The following NEGR1 variants were observed in gnomAD, a reference collection of about 807,000 sequenced individuals.
NEGR1 encodes the protein IgLON family member 4.
A neutral mutation model predicts 40.9 loss-of-function variants in NEGR1; 10 were observed. The ratio of observed to expected loss-of-function variants is 0.24; its 90% CI spans 0.15 to 0.42. The LOEUF (loss-of-function observed/expected upper bound fraction) is 0.42, where lower values mean the gene tolerates loss of function less well. Among genes scored for constraint, NEGR1 ranks in the 10% least tolerant of loss-of-function variants. The pLI is 1.00. For missense variants in NEGR1, 352 were observed against 438.9 expected, an observed-to-expected ratio of 0.80 and a Z score of 1.77; for synonymous variants, 185 against 166.8, an observed-to-expected ratio of 1.11 and a Z score of -0.84.
chr1:71,685,349 T>C (rs1283833581), intron 4 of NEGR1, among the ~76,000 whole-genome samples: 1 of 143,114 alleles, frequency 7.0e-6, no homozygotes, highest in East Asian at 2.1e-4. Flanking sequence ...TGAGATGGAG[T>C]TTCACTCTTT....
At chr1:72,237,889 C>T (rs1160853599) in intron 1 of NEGR1, among the ~76,000 whole-genome samples, 1 of 151,890 alleles carries the variant, frequency 6.6e-6, no homozygotes, top group African/African-American at 2.4e-5. Context: ...GAGTTAATAA[C>T]AGCCTTATGC....
rs60830449 is a variant in NEGR1, at chr1:71,771,699, C to CAAAAA, written c.535+4468_535+4472dup. On this transcript the variant is annotated intron_variant, in intron 3 of 6. Transcript: ENST00000357731. ...GGGTAACAAAAGCAAGACTTAGTCT[C>CAAAAA]AAAAAAAAAAAAAAAAAAAAAAAGG... is the stretch of plus-strand genomic sequence containing the variant. Among the ~76,000 whole-genome samples the CAAAAA allele has an allele frequency of 3.6e-3, 43 of 12,092 alleles. 10 individuals carry two copies. The highest frequency in any genetic ancestry group is 0.021 in the South Asian group (2 of 96). The allele number at this position is 12,092 out of a possible 152,430, so 7.9% of individuals were successfully genotyped here.
At chr1:72,133,257 C>T (rs541864429) in intron 1 of NEGR1, among the ~76,000 whole-genome samples, 1 of 151,898 alleles carries the variant, frequency 6.6e-6, no homozygotes, top group African/African-American at 2.4e-5. Flanking sequence ...TAATTTGTTG[C>T]CTAGAAACAA....
At chr1:71,711,919 T>C (rs2101644117) in intron 3 of NEGR1, among the ~76,000 whole-genome samples, 2 of 152,324 alleles carry the variant, frequency 1.3e-5, no homozygotes, top group Admixed American at 1.3e-4. Flanking sequence ...TAAAATAGAT[T>C]CAAAAGGCTA....
intron 1 of NEGR1, among the ~76,000 whole-genome samples, chr1:72,058,631 C>T (rs1256947854): frequency 1.3e-5 from 2 of 151,590 alleles, no homozygotes; most frequent in East Asian, 3.9e-4. Flanking sequence ...TAGGCATCTG[C>T]TACAGCTGTC....
intron 6 of NEGR1, among the ~76,000 whole-genome samples, chr1:71,577,730 T>G (rs938072191): frequency 6.6e-6 from 1 of 152,172 alleles, no homozygotes; most frequent in African/African-American, 2.4e-5. Context: ...GAACTCTCCT[T>G]TGTAAACAAT....
intron 3 of NEGR1, among the ~76,000 whole-genome samples, chr1:71,744,405 C>T (rs948215253): frequency 4.7e-5 from 7 of 149,582 alleles, no homozygotes; most frequent in Non-Finnish European, 1.0e-4. Context: ...ACAACATATC[C>T]ATGTCATAAT....
In NEGR1 at chr1:72,117,220, A is replaced by G. The variant is rs538509559; in HGVS notation, c.176+165099T>C. The stretch of plus-strand genomic sequence containing the variant: ...ATACTTTAATGCACACTCCCGCAAT[A>G]TATTATTTATGGTCTTAGTTATTTG... On this transcript the variant is annotated intron_variant, in intron 1 of 6. Transcript: ENST00000357731. Among the ~76,000 whole-genome samples, 7 of 151,894 alleles carry G rather than the reference A, an allele frequency of 4.6e-5. No individual in the cohort carries two copies. In the East Asian group the frequency reaches 1.2e-3, roughly 25 times the overall value.
chr1:71,803,219 G>C (rs1246884524), intron 2 of NEGR1, among the ~76,000 whole-genome samples: 1 of 152,080 alleles, frequency 6.6e-6, no homozygotes, highest in Non-Finnish European at 1.5e-5. Context: ...CATCAGAGCT[G>C]TCTTTCTTTC....
intron 1 of NEGR1, among the ~76,000 whole-genome samples, chr1:72,089,249 T>A (rs951697026): frequency 5.9e-5 from 9 of 152,106 alleles, no homozygotes; most frequent in East Asian, 3.9e-4. Context: ...CTACCACTTA[T>A]AACAACCCGA....
intron 1 of NEGR1, among the ~76,000 whole-genome samples, chr1:72,117,699 G>A (rs367907587): frequency 2.2e-4 from 34 of 151,744 alleles, no homozygotes; most frequent in East Asian, 1.4e-3. Context: ...CATTTATTCC[G>A]CAATGGAAAA....
chr1:72,215,026 A>T (rs1653749094), intron 1 of NEGR1, among the ~76,000 whole-genome samples: 1 of 152,130 alleles, frequency 6.6e-6, no homozygotes, highest in Non-Finnish European at 1.5e-5. Flanking sequence ...TACAGAGACC[A>T]ATGAAACTGA....
intron 4 of NEGR1, among the ~76,000 whole-genome samples, chr1:71,672,238 T>C (rs1652461361): frequency 6.6e-6 from 1 of 152,152 alleles, no homozygotes; most frequent in Admixed American, 6.5e-5. Flanking sequence ...AGTCACAATG[T>C]TATCGCTTTG....
At chr1:71,991,026 C>T (rs1254913101) in intron 1 of NEGR1, among the ~76,000 whole-genome samples, 1 of 151,826 alleles carries the variant, frequency 6.6e-6, no homozygotes, top group Non-Finnish European at 1.5e-5. Context: ...CATTCCCTAT[C>T]TTTGAATAAA....
At chr1:71,597,472 C>CTCTCTCTCTCTCTCTGTG (rs756076229) in intron 5 of NEGR1, among the ~76,000 whole-genome samples, 41 of 31,324 alleles carry the variant, frequency 1.3e-3, no homozygotes, top group African/African-American at 3.9e-3. Flanking sequence ...CTCTCTCTCT[C>CTCTCTCTCTCTCTCTGTG]TGTGTGTGTG....
chr1:71,875,122 C>A (rs1353351010), intron 2 of NEGR1, among the ~76,000 whole-genome samples: 1 of 152,130 alleles, frequency 6.6e-6, no homozygotes, highest in African/African-American at 2.4e-5. Context: ...GCTGGGGTTA[C>A]AAGTTTCAGC....
chr1:72,201,950 A>G (rs1653230835), intron 1 of NEGR1, among the ~76,000 whole-genome samples: 1 of 151,874 alleles, frequency 6.6e-6, no homozygotes, highest in Non-Finnish European at 1.5e-5. Flanking sequence ...ATTTTTCACA[A>G]ATTGAAGTTT....
chr1:72,031,137 T>C (rs1328019394), intron 1 of NEGR1, among the ~76,000 whole-genome samples: 1 of 152,176 alleles, frequency 6.6e-6, no homozygotes, highest in Non-Finnish European at 1.5e-5. Context: ...AAATTGGACC[T>C]TTCCTGAATC....
chr1:71,618,446 T>A (rs892592544), intron 4 of NEGR1, among the ~76,000 whole-genome samples: 3 of 152,086 alleles, frequency 2.0e-5, no homozygotes, highest in African/African-American at 7.2e-5. Context: ...CCTGCTTCCA[T>A]TTCCAACATC....
Sources: allele counts gnomAD v4.1 joint callset (sites outside exome capture counted in the v4.1 genomes callset), GRCh38; gene constraint gnomAD v4.1.1; transcripts MANE v1.5; gene names NCBI Gene and HGNC (gene_info 2026-07-23, HGNC 2026-07-21).